The following CRTC1 variants were observed in gnomAD, a reference collection of about 807,000 sequenced individuals.
CRTC1 encodes CREB-regulated transcription coactivator 1.
A neutral mutation model predicts 66.1 loss-of-function variants in CRTC1; 18 were observed. The ratio of observed to expected loss-of-function variants is 0.27; its 90% CI spans 0.19 to 0.40. CRTC1 has a LOEUF of 0.40. Among genes scored for constraint, CRTC1 ranks in the 10% least tolerant of loss-of-function variants. The pLI, the probability that CRTC1 is intolerant of heterozygous loss-of-function variation, is 1.00. For missense variants in CRTC1, 669 were observed against 887.9 expected (o/e 0.75, Z 3.13); for synonymous variants, 416 against 398.8 (o/e 1.04, Z -0.51).
intron 1 of CRTC1, among the ~76,000 whole-genome samples, chr19:18,737,999 C>T (rs1366037126): frequency 6.6e-6 from 1 of 152,026 alleles, no homozygotes; most frequent in Admixed American, 6.6e-5. Context: ...CAACAGTAGG[C>T]TATTAGTTAA....
intron 1 of CRTC1, among the ~76,000 whole-genome samples, chr19:18,714,644 C>G (rs62137137): frequency 6.6e-6 from 1 of 152,234 alleles, no homozygotes. Context: ...GGCAGCTTCC[C>G]GTCCACTGGT....
intron 8 of CRTC1, among the ~76,000 whole-genome samples, chr19:18,764,498 C>T (rs2054685569): frequency 6.6e-6 from 1 of 152,228 alleles, no homozygotes; most frequent in Non-Finnish European, 1.5e-5. Context: ...CAGCTACTGC[C>T]ATGTTGAACT....
chr19:18,689,270 T>C (rs1307772588), intron 1 of CRTC1, among the ~76,000 whole-genome samples: 2 of 151,594 alleles, frequency 1.3e-5, no homozygotes, highest in Non-Finnish European at 2.9e-5. Context: ...TCTGTCTCTA[T>C]GGATTTGCCT....
chr19:18,746,972 G>A (rs1018042206), intron 3 of CRTC1, 81 bp from the exon 4 acceptor site: 12 of 1,390,720 alleles, frequency 8.6e-6, no homozygotes, highest in Middle Eastern at 2.0e-4. Flanking sequence ...CCAGCCAGCC[G>A]GGGCTTCCTG....
At chr19:18,700,073 C>T (rs1347643842) in intron 1 of CRTC1, among the ~76,000 whole-genome samples, 4 of 152,152 alleles carry the variant, frequency 2.6e-5, no homozygotes, top group Non-Finnish European at 4.4e-5. Context: ...TAAGTGGCTG[C>T]GTCTTCCATC....
chr19:18,753,606 A>C, intron 6 of CRTC1, 21 bp downstream of exon 6: 2 of 1,579,668 alleles, frequency 1.3e-6, no homozygotes, highest in Non-Finnish European at 1.7e-6. Flanking sequence ...ATGAGCTTTC[A>C]AAAACTTTTT....
chr19:18,729,412 C>A (rs1429621108), intron 1 of CRTC1, among the ~76,000 whole-genome samples: 1 of 140,180 alleles, frequency 7.1e-6, no homozygotes, highest in Non-Finnish European at 1.5e-5. Context: ...GGCAACAGAG[C>A]GAGACTCCGT....
intron 1 of CRTC1, among the ~76,000 whole-genome samples, chr19:18,716,936 CGT>C (rs895617119): frequency 3.3e-5 from 5 of 151,942 alleles, no homozygotes; most frequent in African/African-American, 1.2e-4. Context: ...TGAATGTGCT[CGT>C]GTGTGTGCAA....
intron 1 of CRTC1, among the ~76,000 whole-genome samples, chr19:18,736,813 C>T (rs2054006718): frequency 6.6e-6 from 1 of 152,134 alleles, no homozygotes; most frequent in Admixed American, 6.5e-5. Context: ...CCGAGCTCAG[C>T]CATCAGCCCG....
At chr19:18,692,155 C>A (rs1207064746) in intron 1 of CRTC1, among the ~76,000 whole-genome samples, 1 of 151,340 alleles carries the variant, frequency 6.6e-6, no homozygotes, top group East Asian at 1.9e-4. Context: ...GAGCAAGGGC[C>A]CCTGCTACTA....
rs546227615 is a variant in CRTC1 at position 18,754,890 on chromosome 19, T to C, written c.624+1305T>C. 3.8e-4 allele frequency among the ~76,000 whole-genome samples: 58 copies of C among 152,346 alleles called. No individual in the cohort carries two copies. The South Asian group carries it at 0.012, about 30-fold the overall frequency. The stretch of plus-strand genomic sequence containing the variant: ...TGTGCGTTTTCTGTCGTGGTGAGTG[T>C]GGGTGGTGCTGTCAGCCCTTTATAT... On this transcript the variant is annotated intron_variant, in intron 6 of 13. Transcript: ENST00000321949.
At chr19:18,776,062 C>T (rs926526337) in intron 13 of CRTC1, among the ~76,000 whole-genome samples, 47 of 152,292 alleles carry the variant, frequency 3.1e-4, no homozygotes, top group Non-Finnish European at 6.0e-4. Flanking sequence ...AGGATAGAGA[C>T]GGTCACTCTC....
intron 1 of CRTC1, among the ~76,000 whole-genome samples, chr19:18,714,275 C>G (rs987627188): frequency 6.6e-6 from 1 of 152,152 alleles, no homozygotes; most frequent in African/African-American, 2.4e-5. Flanking sequence ...CGGGCGCACT[C>G]CATCCACCTG....
Position 18,768,645 on chromosome 19 carries a change from G to A in CRTC1, c.1172G>A (p.Arg391His), listed in dbSNP as rs747932993. ...CCGCCACCCCCACAGGCGCCCGTCC[G>A]CCTGCCCCCTGGTGGCCCCCTGTTG... ...PPPPPPQAPV[R>H]LPPGGPLLPS... The change falls in exon 10 of 14, where the codon CGC becomes CAC. Residue 391 changes from arginine (R) to histidine (H), a missense_variant. Transcript: ENST00000321949. The surrounding 1 kb of genome is among the most constrained non-coding windows in gnomAD (Gnocchi z 5.6). The A allele has an allele frequency of 1.1e-5, 12 of 1,067,612 alleles. No individual in the cohort carries two copies. The highest frequency in any genetic ancestry group is 5.1e-5 in the South Asian group (3 of 58,922). 66.1% of individuals were successfully genotyped at this position (1,067,612 alleles called of 1,614,324 possible).
chr19:18,730,425 G>C (rs1286574712), intron 1 of CRTC1, among the ~76,000 whole-genome samples: 6 of 152,066 alleles, frequency 3.9e-5, no homozygotes, highest in Non-Finnish European at 8.8e-5. Flanking sequence ...CTTCCGGGTA[G>C]GCCTGTCTTC....
Position 18,768,845 on chromosome 19 carries a change from C to T in CRTC1, c.1320+52C>T. ...GCCTGACTGGGGGTCTTGTAGAGGA[C>T]AGCCCGGGGGCTGCAGAACAGTCGG... is the stretch of plus-strand genomic sequence containing the variant. On this transcript the variant is annotated intron_variant, in intron 10 of 13. Coordinates refer to ENST00000321949, the MANE Select transcript of CRTC1 (RefSeq NM_015321.3). This position sits in a 1 kb window ranked among gnomAD's most constrained non-coding sequence, Gnocchi z 5.6. 6.5e-7 allele frequency: 1 copy of T among 1,538,914 alleles called. No homozygotes were observed. Among genetic ancestry groups the T allele is most frequent in the Non-Finnish European group, 8.7e-7 (1 of 1,143,324 alleles).
chr19:18,719,080 G>A (rs2053567635), intron 1 of CRTC1, among the ~76,000 whole-genome samples: 1 of 152,172 alleles, frequency 6.6e-6, no homozygotes, highest in Non-Finnish European at 1.5e-5. Context: ...GCTGACGATG[G>A]GCCCTGGAAG....
At chr19:18,727,457 A>C (rs2082047889) in intron 1 of CRTC1, among the ~76,000 whole-genome samples, 1 of 149,650 alleles carries the variant, frequency 6.7e-6, no homozygotes, top group African/African-American at 2.5e-5. Flanking sequence ...GGCACGCATC[A>C]GTAGTCCCAG....
Position 18,760,110 on chromosome 19 carries a change from C to T in CRTC1, c.768C>T (p.Ser256=). 1.2e-6 allele frequency: 2 copies of T among 1,613,970 alleles called. No individual in the cohort carries two copies. The highest frequency in any genetic ancestry group is 1.6e-4 in the Middle Eastern group (1 of 6,062). The change falls in exon 8 of 14, where the codon TCC becomes TCT. Residue 256 remains serine (S), a synonymous_variant. Coordinates refer to ENST00000321949, the MANE Select transcript of CRTC1 (RefSeq NM_015321.3). The surrounding 1 kb of genome is among the most constrained non-coding windows in gnomAD (Gnocchi z 6.2). ...ACCTGACCAACATCCACTTCCCCTC[C>T]CCGCTCCCGACCCCGCTGGACCCCG... ...LPDLTNIHFP[S]PLPTPLDPEE... is the part of the protein sequence containing the mutation.
Sources: allele counts gnomAD v4.1 joint callset (sites outside exome capture counted in the v4.1 genomes callset), GRCh38; gene constraint gnomAD v4.1.1; non-coding constraint Gnocchi (gnomAD v3.1); transcripts MANE v1.5; gene names NCBI Gene and HGNC (gene_info 2026-07-23, HGNC 2026-07-21).